The following SYT2 variants were observed in gnomAD, a reference collection of about 807,000 sequenced individuals.
SYT2 encodes synaptotagmin-2.
Under a neutral mutation model 39.9 loss-of-function variants are expected in SYT2, and 15 were observed. The ratio of observed to expected loss-of-function variants is 0.38; its 90% CI spans 0.25 to 0.58. The LOEUF (loss-of-function observed/expected upper bound fraction) is 0.58. Ranked by LOEUF, SYT2 falls within the 20% of genes least tolerant of loss-of-function variation. SYT2 has a pLI of 0.70. For synonymous variants in SYT2, 181 were observed against 204.5 expected, an observed-to-expected ratio of 0.89 and a Z score of 0.98; for missense variants, 389 against 530.3, an observed-to-expected ratio of 0.73 and a Z score of 2.62.
chr1:202,603,881 C>T (rs1010858624), intron 3 of SYT2, among the ~76,000 whole-genome samples: 2 of 152,116 alleles, frequency 1.3e-5, no homozygotes, highest in Non-Finnish European at 1.5e-5. Flanking sequence ...TCCTAGTCAC[C>T]CCCAAACAAA....
chr1:202,638,528 G>GAGCT (rs1691810642), intron 1 of SYT2, among the ~76,000 whole-genome samples: 2 of 152,234 alleles, frequency 1.3e-5, no homozygotes, highest in South Asian at 4.1e-4. Context: ...TTTCTCCAGG[G>GAGCT]AGCTGGAAGC....
chr1:202,632,862 C>G (rs1244866196), intron 1 of SYT2: 1 of 152,256 alleles, frequency 6.6e-6, no homozygotes, highest in Non-Finnish European at 1.5e-5. Context: ...TTTCCCTGTT[C>G]TGGATGTGCT....
intron 1 of SYT2, among the ~76,000 whole-genome samples, chr1:202,664,952 C>T (rs1428323981): frequency 6.6e-6 from 1 of 152,232 alleles, no homozygotes; most frequent in Non-Finnish European, 1.5e-5. Context: ...AGCCACTGCA[C>T]CCGGACTTCT....
rs536539013 is a variant in SYT2 at position 202,628,876 on chromosome 1, T to C, written c.-17-23087A>G. ...GGGCAGACTGACCTGGACTGGAGTC[T>C]CGGCTCTTTTAGCCATGGGAACTTG... On this transcript the variant is annotated intron_variant, in intron 1 of 8. Coordinates refer to ENST00000367268, the MANE Select transcript of SYT2 (RefSeq NM_177402.5). The surrounding 1 kb of genome is among the most constrained non-coding windows in gnomAD (Gnocchi z 4.2). Among the ~76,000 whole-genome samples the C allele has an allele frequency of 1.3e-5, 2 of 152,354 alleles. No homozygotes were observed. The highest frequency in any genetic ancestry group is 2.9e-5 in the Non-Finnish European group (2 of 68,038).
chr1:202,602,134 A>C, intron 5 of SYT2, 77 bp from the exon 6 acceptor site: 1 of 1,465,426 alleles, frequency 6.8e-7, no homozygotes, highest in Non-Finnish European at 9.2e-7. Flanking sequence ...AGGGGCCTGC[A>C]TTCCAGCCCA....
At chr1:202,679,978 A>T (rs1479201668) in intron 1 of SYT2, among the ~76,000 whole-genome samples, 3 of 152,114 alleles carry the variant, frequency 2.0e-5, no homozygotes, top group Non-Finnish European at 4.4e-5. Context: ...CAAAACATCT[A>T]TCAAATGTCA....
At chr1:202,672,248 CAT>C (rs984438093) in intron 1 of SYT2, among the ~76,000 whole-genome samples, 1 of 152,186 alleles carries the variant, frequency 6.6e-6, no homozygotes, top group African/African-American at 2.4e-5. Context: ...TCCCAAAATT[CAT>C]ATGTTGAAAT....
chr1:202,708,520 G>A (rs1654307872), intron 1 of SYT2, among the ~76,000 whole-genome samples: 1 of 152,108 alleles, frequency 6.6e-6, no homozygotes, highest in African/African-American at 2.4e-5. Context: ...AAGCAGAGCA[G>A]AGGCAGCCAC....
rs1240512418 is a variant in SYT2 at position 202,594,920 on chromosome 1, T to G, written c.*1837A>C. ...AATAAAAAGACACTCTGCAACTTCT[T>G]CACACTGGATCCTCAAAGCCTGATT... On this transcript the variant is annotated 3_prime_UTR_variant, in exon 9 of 9. Coordinates refer to ENST00000367268, the MANE Select transcript of SYT2 (RefSeq NM_177402.5). 1.3e-5 allele frequency: 2 copies of G among 152,278 alleles called. No individual in the cohort carries two copies. Among genetic ancestry groups the G allele is most frequent in the African/African-American group, 4.8e-5 (2 of 41,448 alleles). The allele number at this position is 152,278 out of a possible 1,614,324, so 9.4% of individuals were successfully genotyped here. A position where few individuals can be genotyped will look rare whatever the true frequency, so the allele number is the denominator to read the frequency against.
At chr1:202,621,945 T>C (rs1313283660) in intron 1 of SYT2, among the ~76,000 whole-genome samples, 2 of 152,230 alleles carry the variant, frequency 1.3e-5, no homozygotes, top group Admixed American at 6.5e-5. Context: ...TGCACACATG[T>C]ACATACACTC....
In SYT2 at chr1:202,596,308, T is replaced by TACACAC. The variant is rs60259163; in HGVS notation, c.*443_*448dup. On this transcript the variant is annotated 3_prime_UTR_variant, in exon 9 of 9. Transcript: ENST00000367268. ...ACACACACACACACACACACACACA[T>TACACAC]ACACACACACACACACACACACACA... 141 of 88,018 alleles carry TACACAC rather than the reference T, an allele frequency of 1.6e-3. No individual in the cohort carries two copies. The highest frequency in any genetic ancestry group is 5.2e-3 in the South Asian group (11 of 2,100). 5.5% of individuals were successfully genotyped at this position (88,018 alleles called of 1,614,324 possible).
rs555007226 is a variant in SYT2, at chr1:202,691,048, C to T, written c.-18+19210G>A. On this transcript the variant is annotated intron_variant, in intron 1 of 8. Transcript: ENST00000367268. ...GTCTTCTCTGCTAAGCAAGAGTCTG[C>T]CTCCACTTCGTCCAGACCCCTCCGC... Among the ~76,000 whole-genome samples, 240 of 152,216 alleles carry T rather than the reference C, an allele frequency of 1.6e-3. 1 individual carries two copies. The highest frequency in any genetic ancestry group is 2.1e-3 in the Non-Finnish European group (140 of 68,042).
At chr1:202,612,497 A>G (rs1287413508) in intron 1 of SYT2, among the ~76,000 whole-genome samples, 6 of 152,136 alleles carry the variant, frequency 3.9e-5, no homozygotes, top group Non-Finnish European at 8.8e-5. Flanking sequence ...CCTTCTGAGT[A>G]GCTAGGACTA....
At chr1:202,684,392 G>A (rs1262192213) in intron 1 of SYT2, among the ~76,000 whole-genome samples, 1 of 148,342 alleles carries the variant, frequency 6.7e-6, no homozygotes, top group Non-Finnish European at 1.5e-5. Flanking sequence ...TACAGTATTT[G>A]TTATTCTGTG....
intron 1 of SYT2, among the ~76,000 whole-genome samples, chr1:202,606,731 G>A (rs1206765161): frequency 2.0e-5 from 3 of 152,122 alleles, no homozygotes; most frequent in Non-Finnish European, 2.9e-5. Context: ...AAGATGTGAT[G>A]TTTATTAATA....
intron 1 of SYT2, among the ~76,000 whole-genome samples, chr1:202,698,104 G>A (rs1467429318): frequency 1.5e-5 from 2 of 136,526 alleles, no homozygotes. Context: ...AGCGTCCAGG[G>A]TCTCACCACC....
intron 1 of SYT2, among the ~76,000 whole-genome samples, chr1:202,607,890 T>TA: frequency 6.6e-6 from 1 of 152,114 alleles, no homozygotes; most frequent in South Asian, 2.1e-4. Context: ...CCTTTTTTTT[T>TA]TAAAAAACAG....
At chr1:202,646,365 C>T (rs904469331) in intron 1 of SYT2, among the ~76,000 whole-genome samples, 2 of 152,234 alleles carry the variant, frequency 1.3e-5, no homozygotes, top group African/African-American at 4.8e-5. Flanking sequence ...CTGCCAGTCC[C>T]AGTTCCCTGA....
chr1:202,705,722 CTT>C (rs33940077), intron 1 of SYT2, among the ~76,000 whole-genome samples: 6 of 145,072 alleles, frequency 4.1e-5, no homozygotes, highest in African/African-American at 2.5e-5. Flanking sequence ...TTTGGGAGTC[CTT>C]TTTTTTTTTT....
Sources: allele counts gnomAD v4.1 joint callset (sites outside exome capture counted in the v4.1 genomes callset), GRCh38; gene constraint gnomAD v4.1.1; non-coding constraint Gnocchi (gnomAD v3.1); transcripts MANE v1.5; gene names NCBI Gene and HGNC (gene_info 2026-07-23, HGNC 2026-07-21).